Variants in TMCO5A observed in about 807,000 individuals in gnomAD.
TMCO5A encodes transmembrane and coiled-coil domain-containing protein 5A.
A neutral mutation model predicts 42.3 loss-of-function variants in TMCO5A; 34 were observed. That is an observed-to-expected ratio of 0.80 (90% confidence interval 0.61 to 1.07). The LOEUF (loss-of-function observed/expected upper bound fraction) is 1.07. Ranked by LOEUF, TMCO5A falls within the 50% of genes least tolerant of loss-of-function variation. The pLI is 0.00. For synonymous variants in TMCO5A, 131 were observed against 115.6 expected (o/e 1.13, Z -0.86); for missense variants, 357 against 327.9 (o/e 1.09, Z -0.69).
chr15:38,029,732 G>A, the TMCO5A span, among the ~76,000 whole-genome samples: 1 of 152,156 alleles, frequency 6.6e-6, no homozygotes, highest in African/African-American at 2.4e-5. Context: ...TTACAGGTGT[G>A]CGCCACCATG....
the TMCO5A span, among the ~76,000 whole-genome samples, chr15:38,016,267 A>T: frequency 1.3e-5 from 2 of 152,184 alleles, no homozygotes; most frequent in African/African-American, 4.8e-5. Context: ...TGAAGAAATG[A>T]AAAAGGAATT....
intron 7 of TMCO5A, among the ~76,000 whole-genome samples, 196 bp downstream of exon 7, chr15:37,941,401 A>G (rs1889734313): frequency 6.6e-6 from 1 of 152,100 alleles, no homozygotes; most frequent in Non-Finnish European, 1.5e-5. Flanking sequence ...TTTTTACAGA[A>G]TACACTCTAC....
intron 11 of TMCO5A, among the ~76,000 whole-genome samples, chr15:37,960,121 A>G (rs897966004): frequency 6.6e-6 from 1 of 151,862 alleles, no homozygotes; most frequent in African/African-American, 2.4e-5. Context: ...AGCAGTATAC[A>G]CTGCACTACA....
intron 11 of TMCO5A, among the ~76,000 whole-genome samples, chr15:37,963,475 T>C (rs1454888453): frequency 1.3e-5 from 2 of 152,214 alleles, no homozygotes; most frequent in South Asian, 2.1e-4. Context: ...GCCTATCATA[T>C]GGTATATCTT....
chr15:37,939,513 A>G (rs1889653798), intron 6 of TMCO5A, among the ~76,000 whole-genome samples: 1 of 152,080 alleles, frequency 6.6e-6, no homozygotes, highest in African/African-American at 2.4e-5. Flanking sequence ...AGAAAATAAG[A>G]CCAGCCAGAA....
At chr15:38,030,209 G>A in the TMCO5A span, among the ~76,000 whole-genome samples, 8 of 152,146 alleles carry the variant, frequency 5.3e-5, no homozygotes, top group African/African-American at 1.9e-4. Flanking sequence ...CCAGTAACTG[G>A]ATCAGACAGA....
chr15:38,009,081 A>G, the TMCO5A span, among the ~76,000 whole-genome samples: 1 of 152,200 alleles, frequency 6.6e-6, no homozygotes, highest in South Asian at 2.1e-4. Flanking sequence ...CTACCGGGTC[A>G]TATGTGGAAA....
At chr15:37,954,930 A>T (rs1225753273), downstream of TMCO5A, among the ~76,000 whole-genome samples, 2 of 152,054 alleles carry the variant, frequency 1.3e-5, no homozygotes, top group African/African-American at 4.8e-5. Flanking sequence ...TGGTAATCTC[A>T]AAAAACATAC....
chr15:37,985,438 A>C, the TMCO5A span, among the ~76,000 whole-genome samples: 2 of 152,304 alleles, frequency 1.3e-5, no homozygotes, highest in Non-Finnish European at 2.9e-5. Flanking sequence ...CTTTCATCCA[A>C]AGCACATAAA....
the TMCO5A span, among the ~76,000 whole-genome samples, chr15:37,984,578 A>C: frequency 1.3e-5 from 2 of 152,056 alleles, no homozygotes; most frequent in African/African-American, 4.8e-5. Context: ...TGTACTTTCA[A>C]ACTTCAAATA....
chr15:37,936,543 C>T, intron 3 of TMCO5A, 80 bp downstream of exon 3: 1 of 1,512,926 alleles, frequency 6.6e-7, no homozygotes, highest in Non-Finnish European at 8.9e-7. Context: ...AATTTTCCTG[C>T]TTGTTCTAGA....
chr15:37,954,458 T>G (rs986176247), downstream of TMCO5A, among the ~76,000 whole-genome samples: 1 of 152,078 alleles, frequency 6.6e-6, no homozygotes, highest in South Asian at 2.1e-4. Flanking sequence ...CTGGTGAAAA[T>G]GTCCTTCAAA....
rs146029725 is a variant in TMCO5A, at chr15:37,966,674, C to T, written c.*31C>T. On this transcript the variant is annotated 3_prime_UTR_variant, in exon 12 of 12. Transcript: ENST00000559502. ...AGATGGCTGCCAACAATCCAGATCT[C>T]GTACTACCAGATTGGCAACCTTTGC... 2.0e-3 allele frequency: 1,400 copies of T among 702,850 alleles called. 12 individuals carry two copies. In the African/African-American group the frequency reaches 0.021, roughly 10 times the overall value. 43.5% of individuals were successfully genotyped at this position (702,850 alleles called of 1,614,324 possible). A position where few individuals can be genotyped will look rare whatever the true frequency, so the allele number is the denominator to read the frequency against.
At chr15:37,943,098 T>C (rs1357543794) in intron 9 of TMCO5A, 1 of 363,690 alleles carries the variant, frequency 2.7e-6, no homozygotes, top group Non-Finnish European at 5.0e-6. Flanking sequence ...GGTTGCCCAG[T>C]AGAATTTTCT....
At chr15:38,007,968 T>C in the TMCO5A span, among the ~76,000 whole-genome samples, 6,312 of 135,034 alleles carry the variant, frequency 0.047, 181 homozygotes, top group Middle Eastern at 0.076. Flanking sequence ...CGATCTCGGC[T>C]CACTGCAAGC....
chr15:37,955,022 G>T (rs1415315711), downstream of TMCO5A, among the ~76,000 whole-genome samples: 1 of 151,400 alleles, frequency 6.6e-6, no homozygotes, highest in African/African-American at 2.4e-5. Context: ...AAGACAGGAA[G>T]AAAAGAAAGA....
downstream of TMCO5A, among the ~76,000 whole-genome samples, chr15:37,952,184 C>T (rs1259320434): frequency 6.6e-6 from 1 of 152,048 alleles, no homozygotes; most frequent in Non-Finnish European, 1.5e-5. Flanking sequence ...CTAGGTGAGT[C>T]CTAGTGCTGC....
chr15:37,948,485 A>G (rs1231469760), intron 11 of TMCO5A, among the ~76,000 whole-genome samples: 1 of 152,104 alleles, frequency 6.6e-6, no homozygotes, highest in Non-Finnish European at 1.5e-5. Flanking sequence ...GATAAATGAA[A>G]TATTACATCT....
intron 2 of TMCO5A, 70 bp from the exon 3 acceptor site, chr15:37,936,244 C>G (rs576819218): frequency 1.3e-6 from 2 of 1,523,044 alleles, no homozygotes; most frequent in South Asian, 2.7e-5. Flanking sequence ...TTCTAAATAC[C>G]CTTTTTGGCC....
Sources: allele counts gnomAD v4.1 joint callset (sites outside exome capture counted in the v4.1 genomes callset), GRCh38; gene constraint gnomAD v4.1.1; transcripts MANE v1.5; gene names NCBI Gene and HGNC (gene_info 2026-07-23, HGNC 2026-07-21).